Variants in TAMM41 observed in about 807,000 individuals in gnomAD.
TAMM41 encodes the protein phosphatidate cytidylyltransferase, mitochondrial.
In TAMM41, 36 loss-of-function variants were observed where a neutral mutation model predicts 44.1. That is an observed-to-expected ratio of 0.82 (90% CI 0.63 to 1.08). TAMM41 has a LOEUF of 1.08. Among genes scored for constraint, TAMM41 ranks in the 50% least tolerant of loss-of-function variants. The pLI is 0.00. For missense variants in TAMM41, 417 were observed against 404.3 expected (o/e 1.03, Z -0.27); for synonymous variants, 164 against 153.1 (o/e 1.07, Z -0.53).
chr3:11,768,221 C>A, the TAMM41 span, among the ~76,000 whole-genome samples: 1 of 151,796 alleles, frequency 6.6e-6, no homozygotes, highest in Non-Finnish European at 1.5e-5. Flanking sequence ...ACTGCAACCT[C>A]TGCCTCCAGG....
chr3:11,807,508 T>C, intron 7 of TAMM41: 1 of 1,536,162 alleles, frequency 6.5e-7, no homozygotes, highest in Non-Finnish European at 8.7e-7. Flanking sequence ...GGAGCACAGA[T>C]GCTGCTGTTT....
the TAMM41 span, among the ~76,000 whole-genome samples, chr3:11,727,308 C>G: frequency 3.0e-3 from 459 of 152,282 alleles, 2 homozygotes; most frequent in African/African-American, 0.01. Flanking sequence ...GGATTGCCTG[C>G]AGACTAATTG....
rs768600856 is a variant in TAMM41 at position 11,807,469 on chromosome 3, A to T, written c.937+364T>A. 9 of 1,536,208 alleles carry T rather than the reference A, an allele frequency of 5.9e-6. No individual in the cohort carries two copies. The South Asian group carries it at 1.1e-4, about 18-fold the overall frequency. On this transcript the variant is annotated intron_variant, in intron 7 of 7. Transcript: ENST00000455809. The stretch of plus-strand genomic sequence containing the variant: ...ATAACCCACTAAGACAGATGGAAGC[A>T]GTTGTCTCAGAGAAGGGGAAGAGGA...
At chr3:11,730,441 A>G in the TAMM41 span, among the ~76,000 whole-genome samples, 1 of 150,308 alleles carries the variant, frequency 6.7e-6, no homozygotes, top group African/African-American at 2.5e-5. Flanking sequence ...AAAGAAAAAG[A>G]AAAAAGAAAT....
chr3:11,832,377 T>C (rs2079016981), intron 3 of TAMM41, among the ~76,000 whole-genome samples: 1 of 152,072 alleles, frequency 6.6e-6, no homozygotes, highest in Non-Finnish European at 1.5e-5. Flanking sequence ...TGATGTGAAG[T>C]GTAAGCACGG....
intron 6 of TAMM41, chr3:11,809,290 TGATTTAG>T: frequency 1.8e-6 from 1 of 544,644 alleles, no homozygotes; most frequent in East Asian, 3.4e-5. Context: ...CCTTTGACAG[TGATTTAG>T]GATCCAGGAA....
the TAMM41 span, among the ~76,000 whole-genome samples, chr3:11,766,464 A>C: frequency 1.3e-5 from 2 of 151,990 alleles, no homozygotes; most frequent in Non-Finnish European, 2.9e-5. Flanking sequence ...CACCGTGCCT[A>C]GCTGGGAAAT....
intron 2 of TAMM41, among the ~76,000 whole-genome samples, chr3:11,843,373 A>G (rs991866715): frequency 1.6e-4 from 24 of 151,238 alleles, no homozygotes; most frequent in African/African-American, 4.9e-4. Context: ...TGTGTGTCCA[A>G]TGGACACACA....
chr3:11,840,298 T>C (rs1431192753), intron 2 of TAMM41, among the ~76,000 whole-genome samples: 1 of 151,502 alleles, frequency 6.6e-6, no homozygotes. Flanking sequence ...ACTGGCGCAA[T>C]CTCAGCTCAC....
At chr3:11,820,631 A>G (rs1575664064) in intron 4 of TAMM41, among the ~76,000 whole-genome samples, 1 of 152,256 alleles carries the variant, frequency 6.6e-6, no homozygotes, top group East Asian at 1.9e-4. Flanking sequence ...GATAGGAAGC[A>G]AATGGGCTTA....
At chr3:11,838,516 C>G (rs533810906) in intron 3 of TAMM41, among the ~76,000 whole-genome samples, 1 of 152,212 alleles carries the variant, frequency 6.6e-6, no homozygotes, top group Non-Finnish European at 1.5e-5. Context: ...CCACACCCAG[C>G]CGGGAAGGCA....
chr3:11,748,132 C>T, the TAMM41 span, among the ~76,000 whole-genome samples: 1 of 150,404 alleles, frequency 6.6e-6, no homozygotes, highest in Non-Finnish European at 1.5e-5. Flanking sequence ...GCCTTAGCCT[C>T]CCAAAGTGTT....
At chr3:11,808,012 A>T in intron 6 of TAMM41, 117 bp from the exon 7 acceptor site, 1 of 1,426,618 alleles carries the variant, frequency 7.0e-7, no homozygotes, top group East Asian at 2.5e-5. Context: ...AAACCACCAA[A>T]TCTATCTCTG....
At chr3:11,729,538 CATTTTTTTTTT>C in the TAMM41 span, among the ~76,000 whole-genome samples, 16 of 65,526 alleles carry the variant, frequency 2.4e-4, no homozygotes, top group South Asian at 1.7e-3. Flanking sequence ...TTCTTTCTTT[CATTTTTTTTTT>C]TTTTTTTTTT....
chr3:11,773,304 A>C, the TAMM41 span, among the ~76,000 whole-genome samples: 1 of 136,282 alleles, frequency 7.3e-6, no homozygotes, highest in African/African-American at 2.5e-5. Flanking sequence ...TGCTTATTTT[A>C]TTTTTGATTT....
intron 7 of TAMM41, among the ~76,000 whole-genome samples, chr3:11,806,466 AAG>A (rs140472358): frequency 0.032 from 4,799 of 152,288 alleles, 135 homozygotes; most frequent in Non-Finnish European, 0.038. Flanking sequence ...ACAGCAAGAA[AAG>A]AGAGAGTTCC....
At chr3:11,738,992 C>T in the TAMM41 span, among the ~76,000 whole-genome samples, 1 of 152,248 alleles carries the variant, frequency 6.6e-6, no homozygotes, top group Non-Finnish European at 1.5e-5. Context: ...TCACCCATCA[C>T]TCCTGAAAGC....
the TAMM41 span, among the ~76,000 whole-genome samples, chr3:11,723,860 A>G: frequency 6.6e-6 from 1 of 152,020 alleles, no homozygotes; most frequent in African/African-American, 2.4e-5. Context: ...TAAATGCGCC[A>G]GAAGTGTATT....
rs549426921 is a variant in TAMM41 at position 11,842,763 on chromosome 3, C to T, written c.318+1266G>A. On this transcript the variant is annotated intron_variant, in intron 2 of 7. Coordinates refer to ENST00000455809, the MANE Select transcript of TAMM41 (RefSeq NM_001284401.2). Reference sequence around the variant, plus strand: ...CTCAGACCAACTGAGTCAGGATCTGCACTGAAATGGGATCTCCAGGTGGCT... The same window carrying T: ...CTCAGACCAACTGAGTCAGGATCTGTACTGAAATGGGATCTCCAGGTGGCT... Among the ~76,000 whole-genome samples the T allele has an allele frequency of 9.9e-4, 150 of 152,174 alleles. 1 individual carries two copies. The highest frequency in any genetic ancestry group is 3.4e-3 in the African/African-American group (143 of 41,554).
Sources: gnomAD v4.1 joint callset for allele counts (sites outside exome capture counted in the v4.1 genomes callset) on GRCh38, gnomAD v4.1.1 for gene constraint, MANE v1.5 for transcripts, NCBI Gene and HGNC (gene_info 2026-07-23, HGNC 2026-07-21) for gene names.